Variants in SCLT1 observed in about 807,000 individuals in gnomAD.
SCLT1 encodes the protein sodium channel-associated protein 1.
In SCLT1, 78 loss-of-function variants were observed where a neutral mutation model predicts 112.8. The observed-to-expected ratio is 0.69, with a 90% CI of 0.58 to 0.83. The LOEUF (loss-of-function observed/expected upper bound fraction) is 0.83, where lower values mean the gene tolerates loss of function less well. Among genes scored for constraint, SCLT1 ranks in the 40% least tolerant of loss-of-function variants. SCLT1 has a pLI of 0.00. For missense variants in SCLT1, 747 were observed against 770.4 expected (o/e 0.97, Z 0.36); for synonymous variants, 257 against 254.7 (o/e 1.01, Z -0.09).
At chr4:128,907,118 CAG>C (rs1169470188) in intron 18 of SCLT1, among the ~76,000 whole-genome samples, 1 of 132,470 alleles carries the variant, frequency 7.5e-6, no homozygotes, top group Non-Finnish European at 1.5e-5. Flanking sequence ...GAATGAGATA[CAG>C]AGTGTTACTA....
chr4:128,946,866 G>T (rs979509666), intron 15 of SCLT1, among the ~76,000 whole-genome samples: 1 of 152,200 alleles, frequency 6.6e-6, no homozygotes, highest in African/African-American at 2.4e-5. Flanking sequence ...AGTGGTGGTT[G>T]TACCTAAGCT....
At chr4:129,025,808 T>G (rs940151901) in intron 5 of SCLT1, among the ~76,000 whole-genome samples, 19 of 151,480 alleles carry the variant, frequency 1.3e-4, no homozygotes, top group Non-Finnish European at 2.5e-4. Context: ...GAAACCCATC[T>G]CACGTGCAGA....
At chr4:129,037,076 T>C (rs984410343) in intron 5 of SCLT1, 1 of 151,576 alleles carries the variant, frequency 6.6e-6, no homozygotes, top group East Asian at 1.9e-4. Flanking sequence ...TCTATGACAT[T>C]AGGCTGAGAA....
intron 16 of SCLT1, among the ~76,000 whole-genome samples, chr4:128,944,175 C>T (rs1737947207): frequency 6.6e-6 from 1 of 152,100 alleles, no homozygotes; most frequent in Non-Finnish European, 1.5e-5. Context: ...TAAACTGTTT[C>T]CTACATTAAA....
intron 9 of SCLT1, among the ~76,000 whole-genome samples, chr4:128,991,503 A>G (rs1742564514): frequency 6.6e-6 from 1 of 151,884 alleles, no homozygotes; most frequent in Non-Finnish European, 1.5e-5. Flanking sequence ...AAGCTTCTGG[A>G]CAGCAAAGGA....
At chr4:128,987,677 A>C (rs938403144) in intron 9 of SCLT1, among the ~76,000 whole-genome samples, 2 of 152,194 alleles carry the variant, frequency 1.3e-5, no homozygotes, top group Admixed American at 6.5e-5. Context: ...AAACATGCCT[A>C]CAAGATCTTT....
At chr4:128,944,198 G>A (rs141511350) in intron 16 of SCLT1, among the ~76,000 whole-genome samples, 79 of 152,006 alleles carry the variant, frequency 5.2e-4, no homozygotes, top group African/African-American at 8.0e-4. Flanking sequence ...CTTTATTCCC[G>A]CAATACTCAT....
chr4:128,907,320 T>C (rs1362735826), intron 18 of SCLT1, among the ~76,000 whole-genome samples: 2 of 152,182 alleles, frequency 1.3e-5, no homozygotes, highest in Non-Finnish European at 2.9e-5. Context: ...TAATCCATAG[T>C]CAAATTAGAG....
chr4:129,059,588 C>T (rs1379760614), intron 2 of SCLT1, among the ~76,000 whole-genome samples: 1 of 152,120 alleles, frequency 6.6e-6, no homozygotes, highest in Non-Finnish European at 1.5e-5. Flanking sequence ...CTGGGGAAAA[C>T]TCTTTCTCCC....
chr4:129,064,881 A>T (rs1488116345), intron 2 of SCLT1, among the ~76,000 whole-genome samples: 1 of 152,124 alleles, frequency 6.6e-6, no homozygotes, highest in African/African-American at 2.4e-5. Flanking sequence ...AAATTTGTTG[A>T]AATTTATGAC....
At chr4:128,925,186 G>T (rs1414130351) in intron 18 of SCLT1, among the ~76,000 whole-genome samples, 1 of 152,070 alleles carries the variant, frequency 6.6e-6, no homozygotes, top group African/African-American at 2.4e-5. Flanking sequence ...TGAGTCAGAG[G>T]CATTCTGATT....
chr4:128,913,461 G>C (rs1423006830), intron 18 of SCLT1, among the ~76,000 whole-genome samples: 1 of 152,166 alleles, frequency 6.6e-6, no homozygotes, highest in Non-Finnish European at 1.5e-5. Context: ...AGAATAAAGG[G>C]TATGAAATAG....
chr4:129,060,506 C>A (rs1749864848), intron 2 of SCLT1, among the ~76,000 whole-genome samples: 1 of 152,096 alleles, frequency 6.6e-6, no homozygotes, highest in Admixed American at 6.6e-5. Context: ...TGCAGTTGGG[C>A]TTTAGTGTAC....
intron 4 of SCLT1, among the ~76,000 whole-genome samples, chr4:128,875,757 T>C (rs950959825): frequency 1.3e-5 from 2 of 152,352 alleles, no homozygotes; most frequent in South Asian, 4.1e-4. Flanking sequence ...ATGTTTACAA[T>C]ATTTTAACTA....
intron 5 of SCLT1, among the ~76,000 whole-genome samples, chr4:129,026,021 C>T (rs976839549): frequency 1.3e-5 from 2 of 152,114 alleles, no homozygotes; most frequent in East Asian, 3.8e-4. Context: ...ATATATGCAC[C>T]GAATACAGGA....
chr4:128,989,831 C>T (rs1742409487), intron 9 of SCLT1, among the ~76,000 whole-genome samples: 1 of 151,138 alleles, frequency 6.6e-6, no homozygotes, highest in South Asian at 2.1e-4. Flanking sequence ...AACTATATGC[C>T]AATAAATTAG....
chr4:128,960,792 C>T (rs1426511964), intron 11 of SCLT1, among the ~76,000 whole-genome samples: 1 of 150,632 alleles, frequency 6.6e-6, no homozygotes, highest in Non-Finnish European at 1.5e-5. Context: ...CGGTGGCGGG[C>T]GCCTGTAGTC....
At chr4:128,915,714 T>TTTCATTCA (rs200951533) in intron 18 of SCLT1, among the ~76,000 whole-genome samples, 2,215 of 152,174 alleles carry the variant, frequency 0.015, 43 homozygotes, top group African/African-American at 0.048. Flanking sequence ...ATTCACTAGC[T>TTTCATTCA]TTCATTCATT....
At chr4:128,991,804 A>C (rs1273825028) in intron 9 of SCLT1, among the ~76,000 whole-genome samples, 1 of 151,838 alleles carries the variant, frequency 6.6e-6, no homozygotes, top group African/African-American at 2.4e-5. Flanking sequence ...TAAAAAATAA[A>C]AATTTTTAAA....
Sources: allele counts gnomAD v4.1 joint callset (sites outside exome capture counted in the v4.1 genomes callset), GRCh38; gene constraint gnomAD v4.1.1; transcripts MANE v1.5; gene names NCBI Gene and HGNC (gene_info 2026-07-23, HGNC 2026-07-21).